The following TMC2 variants were observed in gnomAD, a reference collection of about 807,000 sequenced individuals.
TMC2 encodes the protein transmembrane channel-like protein 2.
TMC2 carries 102 observed loss-of-function variants against 105.9 expected under a neutral mutation model. That is an observed-to-expected ratio of 0.96 (90% confidence interval 0.82 to 1.14). TMC2 has a LOEUF of 1.14. TMC2 is among the 50% of genes most tolerant of loss of function. The pLI is 0.00. For synonymous variants in TMC2, 402 were observed against 422.8 expected (o/e 0.95, Z 0.60); for missense variants, 1,093 against 1,134.3 (o/e 0.96, Z 0.52).
chr20:2,594,761 C>T (rs1038236589), intron 8 of TMC2, 64 bp from the exon 9 acceptor site: 25 of 1,540,668 alleles, frequency 1.6e-5, no homozygotes, highest in Non-Finnish European at 1.9e-5. Context: ...GTAGAGTAGA[C>T]ATGTCTGGTA....
chr20:2,617,105 C>T lies in TMC2; in HGVS notation c.1974C>T (p.Gly658=). ...CCTTCTATGCTCCAGGCCTGGTGGG[C>T]ATTAATGTGCTGCGCCTGCTGACCT... ...MGSFYAPGLV[G]INVLRLLTSM... Residue 658 remains glycine, a synonymous_variant, in exon 16 of 20, where the codon GGC becomes GGT. Coordinates refer to ENST00000358864, the MANE Select transcript of TMC2 (RefSeq NM_080751.3). 1.2e-6 allele frequency: 2 copies of T among 1,614,212 alleles called. No individual in the cohort carries two copies. The highest frequency in any genetic ancestry group is 1.1e-5 in the South Asian group (1 of 91,084).
At chr20:2,615,040 G>T (rs983030659) in intron 14 of TMC2, among the ~76,000 whole-genome samples, 6 of 152,002 alleles carry the variant, frequency 3.9e-5, no homozygotes, top group Non-Finnish European at 8.8e-5. Context: ...TTAAATTCTG[G>T]GTGGGGGTGC....
intron 17 of TMC2, among the ~76,000 whole-genome samples, chr20:2,625,087 T>G (rs901235620): frequency 9.9e-5 from 15 of 152,156 alleles, no homozygotes; most frequent in African/African-American, 3.4e-4. Flanking sequence ...CAGTAAATGC[T>G]CAAGGAAAGA....
Position 2,616,144 on chromosome 20 carries a change from A to G in TMC2, c.1880A>G (p.Tyr627Cys). The G allele has an allele frequency of 1.2e-6, 2 of 1,612,168 alleles. No homozygotes were observed. The highest frequency in any genetic ancestry group is 1.1e-5 in the South Asian group (1 of 91,018). Residue 627 changes from tyrosine to cysteine, a missense_variant, in exon 15 of 20, where the codon TAT (tyrosine) becomes TGT (cysteine). Tyr to Cys is a radical substitution (Grantham distance 194, BLOSUM62 -2). Transcript: ENST00000358864. This position sits in a 1 kb window ranked among gnomAD's most constrained non-coding sequence, Gnocchi z 4.8. ...CWDLEAGFPS[Y>C]AEFDISGNVL... ...CCCTCCCTCCCTCTCTAGCCTTCAT[A>G]TGCTGAGTTTGATATTAGTGGAAAT... is the stretch of plus-strand genomic sequence containing the variant.
At chr20:2,582,544 T>G (rs1270284656) in intron 7 of TMC2, among the ~76,000 whole-genome samples, 2 of 152,136 alleles carry the variant, frequency 1.3e-5, no homozygotes, top group Non-Finnish European at 2.9e-5. Context: ...GGCACAGTCT[T>G]GGCTCGCTGC....
intron 9 of TMC2, among the ~76,000 whole-genome samples, chr20:2,595,491 T>C (rs1178156371): frequency 1.3e-5 from 2 of 152,080 alleles, no homozygotes; most frequent in Non-Finnish European, 2.9e-5. Context: ...TAAATAAATA[T>C]ATGTGGCAGT....
At chr20:2,619,147 G>A (rs2086506556) in intron 16 of TMC2, among the ~76,000 whole-genome samples, 1 of 152,166 alleles carries the variant, frequency 6.6e-6, no homozygotes, top group Admixed American at 6.5e-5. Flanking sequence ...ATCCAAAGGA[G>A]GAAGGAGACA....
chr20:2,612,421 A>T lies in TMC2; in HGVS notation c.1743+81A>T, dbSNP rs916030622. ...CCTCCTTGATGTTTCCATTTGAGGAATAACCCTGAAAACTTACCAGCTGTT... is the reference window on the plus strand; with the variant it reads ...CCTCCTTGATGTTTCCATTTGAGGATTAACCCTGAAAACTTACCAGCTGTT... On this transcript the variant is annotated intron_variant, in intron 13 of 19. Coordinates refer to ENST00000358864, the MANE Select transcript of TMC2 (RefSeq NM_080751.3). 1.3e-5 allele frequency: 17 copies of T among 1,344,420 alleles called. No homozygotes were observed. The African/African-American group carries it at 2.2e-4, about 17-fold the overall frequency. 83.3% of individuals were successfully genotyped at this position (1,344,420 alleles called of 1,614,324 possible). A position where few individuals can be genotyped will look rare whatever the true frequency, so the allele number is the denominator to read the frequency against.
chr20:2,541,192 G>T (rs987366787), intron 2 of TMC2, among the ~76,000 whole-genome samples: 3 of 152,154 alleles, frequency 2.0e-5, no homozygotes, highest in Non-Finnish European at 4.4e-5. Context: ...TTTTAATTGA[G>T]CTGTAAAATA....
chr20:2,570,791 C>A (rs2086097709), intron 4 of TMC2, among the ~76,000 whole-genome samples: 1 of 152,062 alleles, frequency 6.6e-6, no homozygotes, highest in Non-Finnish European at 1.5e-5. Flanking sequence ...AGTACTGGTA[C>A]AAAAACAGAC....
Position 2,592,683 on chromosome 20 carries a change from G to A in TMC2, c.933+275G>A, listed in dbSNP as rs149529222. Among the ~76,000 whole-genome samples the A allele has an allele frequency of 1.3e-5, 2 of 152,128 alleles. No individual in the cohort carries two copies. Among genetic ancestry groups the A allele is most frequent in the African/African-American group, 4.8e-5 (2 of 41,512 alleles). On this transcript the variant is annotated intron_variant, in intron 8 of 19. Transcript: ENST00000358864. The surrounding 1 kb of genome is among the most constrained non-coding windows in gnomAD (Gnocchi z 4.9). The stretch of plus-strand genomic sequence containing the variant: ...CCAGGTCTCTGTAAGGTGATCTCAC[G>A]GTATGCTTTTCTTTCCTCATTCCCA...
chr20:2,537,408 C>T (rs1600090554), intron 2 of TMC2, 92 bp downstream of exon 2: 1 of 1,033,572 alleles, frequency 9.7e-7, no homozygotes, highest in Admixed American at 2.1e-5. Context: ...CAACATTCTC[C>T]TTCATCTCCT....
intron 7 of TMC2, among the ~76,000 whole-genome samples, chr20:2,586,162 A>T (rs1440436931): frequency 1.3e-5 from 2 of 152,204 alleles, no homozygotes; most frequent in Non-Finnish European, 2.9e-5. Flanking sequence ...CTCACTCTAA[A>T]TCAGTAGTTC....
chr20:2,597,387 A>T, intron 10 of TMC2, 89 bp downstream of exon 10: 1 of 1,335,036 alleles, frequency 7.5e-7, no homozygotes, highest in Non-Finnish European at 1.0e-6. Context: ...CATAGAAAAT[A>T]AGGTCCTCAA....
intron 7 of TMC2, among the ~76,000 whole-genome samples, chr20:2,589,498 A>T (rs2086254427): frequency 6.6e-6 from 1 of 151,942 alleles, no homozygotes; most frequent in Admixed American, 6.6e-5. Context: ...AGCTGCTGTG[A>T]TTGAAATCAA....
intron 2 of TMC2, among the ~76,000 whole-genome samples, chr20:2,547,277 A>C (rs574418708): frequency 3.9e-5 from 6 of 152,214 alleles, no homozygotes; most frequent in Non-Finnish European, 8.8e-5. Context: ...GTGTCCAAAT[A>C]AACATTTTAA....
intron 4 of TMC2, among the ~76,000 whole-genome samples, chr20:2,566,989 C>A (rs2086068782): frequency 6.6e-6 from 1 of 152,244 alleles, no homozygotes; most frequent in Admixed American, 6.5e-5. Flanking sequence ...CATTGCCAAC[C>A]CTGGCAGCAA....
intron 17 of TMC2, 94 bp from the exon 18 acceptor site, chr20:2,635,832 C>G (rs1218611609): frequency 6.0e-6 from 6 of 992,982 alleles, no homozygotes; most frequent in African/African-American, 4.8e-5. Flanking sequence ...AGTAACTATT[C>G]CAGGAATCCT....
chr20:2,576,611 C>T (rs2086146553), intron 5 of TMC2, among the ~76,000 whole-genome samples: 1 of 152,206 alleles, frequency 6.6e-6, no homozygotes, highest in Non-Finnish European at 1.5e-5. Flanking sequence ...ATTAATAAAG[C>T]TTATGAGACT....
Sources: gnomAD v4.1 joint callset for allele counts (sites outside exome capture counted in the v4.1 genomes callset) on GRCh38, gnomAD v4.1.1 for gene constraint, Gnocchi (gnomAD v3.1) non-coding constraint, MANE v1.5 for transcripts, NCBI Gene and HGNC (gene_info 2026-07-23, HGNC 2026-07-21) for gene names.